ZNF723: variants seen among roughly 807,000 people sequenced by gnomAD.
ZNF723 encodes the protein zinc finger protein 723, pseudogene.
ZNF723 carries 5 observed loss-of-function variants against 9.4 expected under a neutral mutation model. The observed-to-expected ratio is 0.53, with a 90% CI of 0.28 to 1.12. The LOEUF (loss-of-function observed/expected upper bound fraction) is 1.12. Ranked by LOEUF, ZNF723 falls within the 50% of genes most tolerant of loss-of-function variation. The pLI is 0.10. For missense variants in ZNF723, 450 were observed against 501.5 expected, an observed-to-expected ratio of 0.90 and a Z score of 0.98; for synonymous variants, 158 against 168.8, an observed-to-expected ratio of 0.94 and a Z score of 0.49.
chr19:22,845,889 C>CTT (rs1214348571), intron 1 of ZNF723, among the ~76,000 whole-genome samples: 70 of 124,362 alleles, frequency 5.6e-4, no homozygotes, highest in East Asian at 4.4e-3. Context: ...AAAAATATGC[C>CTT]TTTTTTTTTT....
At chr19:22,849,049 C>G (rs1185692727) in intron 2 of ZNF723, 149 bp from the exon 3 acceptor site, 1 of 326,796 alleles carries the variant, frequency 3.1e-6, no homozygotes, top group African/African-American at 2.1e-5. Context: ...GTCACCGCAG[C>G]CAGCCCATTT....
At chr19:22,843,765 C>T (rs1237452027) in intron 1 of ZNF723, among the ~76,000 whole-genome samples, 1 of 152,066 alleles carries the variant, frequency 6.6e-6, no homozygotes, top group Non-Finnish European at 1.5e-5. Flanking sequence ...GTTTCTATTA[C>T]CTGCTAAGAA....
chr19:22,846,334 A>G (rs570532104), intron 1 of ZNF723, among the ~76,000 whole-genome samples: 5 of 152,322 alleles, frequency 3.3e-5, no homozygotes, highest in African/African-American at 1.2e-4. Context: ...TACTTAAACA[A>G]GATGACGGCC....
intron 1 of ZNF723, among the ~76,000 whole-genome samples, chr19:22,845,793 T>C (rs1397450483): frequency 6.6e-6 from 1 of 152,098 alleles, no homozygotes; most frequent in Non-Finnish European, 1.5e-5. Context: ...TGCTGACACC[T>C]TTAAAGGCAT....
At chr19:22,855,511 G>A (rs1967464760) in intron 3 of ZNF723, among the ~76,000 whole-genome samples, 1 of 152,080 alleles carries the variant, frequency 6.6e-6, no homozygotes, top group Admixed American at 6.6e-5. Context: ...CTACAGGTGT[G>A]AGTCACCACA....
chr19:22,837,300 GA>G (rs1967179378), intron 1 of ZNF723, among the ~76,000 whole-genome samples: 1 of 149,948 alleles, frequency 6.7e-6, no homozygotes, highest in African/African-American at 2.5e-5. Flanking sequence ...AAGAAAGAAA[GA>G]AAAAAGAAAA....
At chr19:22,846,867 G>A (rs1236235540) in intron 1 of ZNF723, among the ~76,000 whole-genome samples, 2 of 109,954 alleles carry the variant, frequency 1.8e-5, no homozygotes, top group South Asian at 2.9e-4. Flanking sequence ...TCTTGATGCC[G>A]TGCTGGGATT....
chr19:22,825,115 G>T, the ZNF723 span, among the ~76,000 whole-genome samples: 1 of 152,158 alleles, frequency 6.6e-6, no homozygotes, highest in African/African-American at 2.4e-5. Flanking sequence ...TCACCTTGAG[G>T]TTCTGAATCT....
chr19:22,820,163 C>T, the ZNF723 span, among the ~76,000 whole-genome samples: 1 of 152,130 alleles, frequency 6.6e-6, no homozygotes, highest in Non-Finnish European at 1.5e-5. Context: ...CTTTCTCTGC[C>T]ATGCTCACAG....
chr19:22,818,436 A>G, the ZNF723 span, among the ~76,000 whole-genome samples: 16 of 152,180 alleles, frequency 1.1e-4, no homozygotes, highest in Non-Finnish European at 2.2e-4. Flanking sequence ...GTTGATGACT[A>G]AGACCAAGAT....
At chr19:22,845,677 A>T (rs1035282163) in intron 1 of ZNF723, among the ~76,000 whole-genome samples, 3 of 145,564 alleles carry the variant, frequency 2.1e-5, no homozygotes, top group African/African-American at 5.1e-5. Flanking sequence ...GGGGAAACTC[A>T]TTGTTCCTGA....
At chr19:22,831,427 G>A (rs1967093012), upstream of ZNF723, among the ~76,000 whole-genome samples, 1 of 151,772 alleles carries the variant, frequency 6.6e-6, no homozygotes, top group Non-Finnish European at 1.5e-5. Flanking sequence ...TGTGGTGGCG[G>A]ATGCCTGTAA....
At chr19:22,839,466 G>GTTT (rs34691832) in intron 1 of ZNF723, among the ~76,000 whole-genome samples, 5 of 124,532 alleles carry the variant, frequency 4.0e-5, no homozygotes, top group East Asian at 2.3e-4. Context: ...TTTTTTTTTG[G>GTTT]TTTTTTTTTT....
the ZNF723 span, among the ~76,000 whole-genome samples, chr19:22,824,755 T>A: frequency 6.6e-6 from 1 of 152,152 alleles, no homozygotes; most frequent in Admixed American, 6.5e-5. Flanking sequence ...ATCTCACATG[T>A]AAATGCTGTT....
Position 22,858,608 on chromosome 19 carries a change from C to A in ZNF723, c.*175C>A. 2.3e-6 allele frequency: 1 copy of A among 438,848 alleles called. No homozygotes were observed. 27.2% of individuals were successfully genotyped at this position (438,848 alleles called of 1,614,324 possible). On this transcript the variant is annotated 3_prime_UTR_variant, in exon 4 of 4. Coordinates refer to ENST00000600766, the MANE Select transcript of ZNF723 (RefSeq NM_001349726.2). ...GTGAAACAACGTCTCTACTAAAATACAAAAAAAATTAGCCGGGTGTAGTGG... is the reference window on the plus strand; with the variant it reads ...GTGAAACAACGTCTCTACTAAAATAAAAAAAAAATTAGCCGGGTGTAGTGG...
rs907707750 is a variant in ZNF723 at position 22,858,099 on chromosome 19, G to C, written c.1208G>C (p.Gly403Ala). ...GEKPYKCEEC[G>A]KAFNQSSALT... is the part of the protein sequence containing the mutation. ...AAACCCTACAAATGTGAAGAATGTG[G>C]CAAAGCCTTTAACCAATCCTCAGCC... Residue 403 changes from glycine to alanine, a missense_variant, in exon 4 of 4, where the codon GGC becomes GCC. Physicochemically the swap from Gly to Ala is moderately conservative, Grantham distance 60. Around this residue, in one of 5 missense-constraint regions of ZNF723, gnomAD observed 237 missense variants for 332.2 expected, o/e 0.71. Transcript: ENST00000600766. 1.3e-6 allele frequency: 2 copies of C among 1,495,144 alleles called. No individual in the cohort carries two copies. The highest frequency in any genetic ancestry group is 2.8e-5 in the African/African-American group (2 of 72,508). The allele number at this position is 1,495,144 out of a possible 1,614,324, so 92.6% of individuals were successfully genotyped here.
chr19:22,817,627 A>G, the ZNF723 span, among the ~76,000 whole-genome samples: 1 of 151,894 alleles, frequency 6.6e-6, no homozygotes, highest in Non-Finnish European at 1.5e-5. Context: ...CCCAAAACCA[A>G]AGTGATGAAA....
At chr19:22,828,883 AAAT>A (rs1372270527), upstream of ZNF723, among the ~76,000 whole-genome samples, 1 of 152,166 alleles carries the variant, frequency 6.6e-6, no homozygotes, top group Non-Finnish European at 1.5e-5. Flanking sequence ...TTTAAAAAAT[AAAT>A]AATAGGCCAG....
chr19:22,847,395 A>G (rs1217457905), intron 1 of ZNF723, among the ~76,000 whole-genome samples: 1 of 152,124 alleles, frequency 6.6e-6, no homozygotes, highest in Non-Finnish European at 1.5e-5. Flanking sequence ...TATAGTCCAG[A>G]AAAACTGGAA....
Sources: gnomAD v4.1 joint callset for allele counts (sites outside exome capture counted in the v4.1 genomes callset) on GRCh38, gnomAD v4.1.1 for gene constraint, gnomAD v4.1.1 regional missense constraint, MANE v1.5 for transcripts, NCBI Gene and HGNC (gene_info 2026-07-23, HGNC 2026-07-21) for gene names.